The following PCDHA3 variants were observed in gnomAD, a reference collection of about 807,000 sequenced individuals.
PCDHA3 encodes protocadherin alpha 3.
Under a neutral mutation model 62.2 loss-of-function variants are expected in PCDHA3, and 41 were observed. The ratio of observed to expected loss-of-function variants is 0.66; its 90% CI spans 0.51 to 0.86. The LOEUF is 0.86. Ranked by LOEUF, PCDHA3 falls within the 40% of genes least tolerant of loss-of-function variation. The pLI is 0.00. For synonymous variants in PCDHA3, 640 were observed against 555.4 expected (o/e 1.15, Z -2.14); for missense variants, 1,304 against 1,241.2 (o/e 1.05, Z -0.76).
rs145590069 is a variant in PCDHA3 at position 140,802,814 on chromosome 5, T to G, written c.1617T>G (p.Asp539Glu). ...ELLQFQVSAR[D>E]AGVPPLGSNV... ...TGCAGTTCCAGGTGAGTGCGCGCGATGCGGGCGTGCCGCCTCTGGGCAGCA... is the reference window on the plus strand; with the variant it reads ...TGCAGTTCCAGGTGAGTGCGCGCGAGGCGGGCGTGCCGCCTCTGGGCAGCA... Residue 539 changes from aspartate to glutamate, a missense_variant, in exon 1 of 4, where the codon GAT (aspartate) becomes GAG (glutamate). Asp to Glu is a conservative substitution (Grantham distance 45, BLOSUM62 2). Transcript: ENST00000522353. 1 of 1,613,428 alleles carries G rather than the reference T, an allele frequency of 6.2e-7. No individual in the cohort carries two copies. Among genetic ancestry groups the G allele is most frequent in the East Asian group, 2.2e-5 (1 of 44,854 alleles).
At chr5:140,986,859 C>T (rs1554248338) in intron 3 of PCDHA3, among the ~76,000 whole-genome samples, 1 of 152,152 alleles carries the variant, frequency 6.6e-6, no homozygotes, top group East Asian at 1.9e-4. Context: ...ACCAACAATA[C>T]CCGGAAACTT....
chr5:140,898,644 T>C (rs2066890005), intron 1 of PCDHA3, among the ~76,000 whole-genome samples: 2 of 152,226 alleles, frequency 1.3e-5, no homozygotes, highest in Admixed American at 1.3e-4. Context: ...GCTTTGTTCT[T>C]TTGGCTTAGG....
At chr5:140,913,384 C>T (rs1018271300) in intron 1 of PCDHA3, among the ~76,000 whole-genome samples, 1 of 152,144 alleles carries the variant, frequency 6.6e-6, no homozygotes, top group Non-Finnish European at 1.5e-5. Flanking sequence ...AGTGGCTCAT[C>T]ATAGCCACTA....
intron 1 of PCDHA3, chr5:140,843,075 T>C: frequency 6.3e-7 from 1 of 1,595,272 alleles, no homozygotes; most frequent in Non-Finnish European, 8.6e-7. Context: ...CCGCGGTCTG[T>C]GGGCGCGGGC....
chr5:140,870,207 T>G, intron 1 of PCDHA3: 1 of 1,614,156 alleles, frequency 6.2e-7, no homozygotes, highest in Non-Finnish European at 8.5e-7. Flanking sequence ...GCACGGTCAT[T>G]GCCCTGATCA....
intron 1 of PCDHA3, among the ~76,000 whole-genome samples, chr5:140,962,154 C>T (rs1447978704): frequency 3.9e-5 from 6 of 152,210 alleles, no homozygotes; most frequent in Admixed American, 1.3e-4. Context: ...GGATTACAGG[C>T]GTGAGCCACC....
At chr5:140,910,028 T>C (rs1402911275) in intron 1 of PCDHA3, among the ~76,000 whole-genome samples, 4 of 152,222 alleles carry the variant, frequency 2.6e-5, no homozygotes, top group African/African-American at 9.6e-5. Flanking sequence ...ATCCCTGGGA[T>C]AAATCCCACT....
chr5:140,863,464 C>A, intron 1 of PCDHA3: 1 of 512,348 alleles, frequency 2.0e-6, no homozygotes, highest in South Asian at 1.5e-5. Context: ...AGATTTTACT[C>A]TGGAGAGTCG....
intron 1 of PCDHA3, among the ~76,000 whole-genome samples, chr5:140,933,899 G>T (rs2089496307): frequency 6.6e-6 from 1 of 151,508 alleles, no homozygotes; most frequent in African/African-American, 2.4e-5. Flanking sequence ...TGAATATTTT[G>T]GCATAAAGTT....
intron 1 of PCDHA3, chr5:140,850,254 G>A: frequency 3.8e-6 from 6 of 1,593,786 alleles, no homozygotes; most frequent in South Asian, 1.1e-5. Flanking sequence ...GTCGGTGGGC[G>A]CCGGCGTAGT....
intron 1 of PCDHA3, among the ~76,000 whole-genome samples, chr5:140,887,189 C>T (rs1268664594): frequency 6.6e-6 from 1 of 151,836 alleles, no homozygotes; most frequent in Non-Finnish European, 1.5e-5. Context: ...CTCCACCTCC[C>T]GGGTTCACGC....
chr5:140,925,947 G>A (rs1447488918), intron 1 of PCDHA3, among the ~76,000 whole-genome samples: 1 of 152,066 alleles, frequency 6.6e-6, no homozygotes, highest in Non-Finnish European at 1.5e-5. Flanking sequence ...CTTGGAGAAG[G>A]AGAAACTGCT....
At position 140,877,008 on chromosome 5, in the gene PCDHA3, G is replaced by A. The variant is rs368922456; in HGVS notation, c.2394+73417G>A. On this transcript the variant is annotated intron_variant, in intron 1 of 3. Coordinates refer to ENST00000522353, the MANE Select transcript of PCDHA3 (RefSeq NM_018906.3). Reference sequence around the variant, plus strand: ...TGTCGAGCTACGTGTCGGTGCACGCGGAGAGCGGCAAGGTGTACGCGCTGC... The same window carrying A: ...TGTCGAGCTACGTGTCGGTGCACGCAGAGAGCGGCAAGGTGTACGCGCTGC... 82 of 1,612,526 alleles carry A rather than the reference G, an allele frequency of 5.1e-5. No homozygotes were observed. The African/African-American group carries it at 9.3e-4, about 18-fold the overall frequency.
chr5:140,830,895 T>C (rs2150190281), intron 1 of PCDHA3: 4 of 152,692 alleles, frequency 2.6e-5, no homozygotes, highest in Non-Finnish European at 2.9e-5. Flanking sequence ...GTATCACTTA[T>C]GTTTTTACAC....
chr5:140,822,808 A>C lies in PCDHA3; in HGVS notation c.2394+19217A>C, dbSNP rs1554128906. On this transcript the variant is annotated intron_variant, in intron 1 of 3. Transcript: ENST00000522353. The stretch of plus-strand genomic sequence containing the variant: ...AGTGAAACTCCTGGATGTGAATGAT[A>C]ATACCCCAGAGATGGCCATAACCAC... The C allele has an allele frequency of 4.3e-6, 7 of 1,614,072 alleles. No homozygotes were observed. The African/African-American group carries it at 9.3e-5, about 22-fold the overall frequency.
intron 1 of PCDHA3, chr5:140,858,309 A>G (rs1276572732): frequency 7.5e-6 from 12 of 1,597,070 alleles, no homozygotes; most frequent in African/African-American, 1.3e-5. Context: ...CAGAGGCGGC[A>G]GAGGGTGTGT....
Position 141,010,554 on chromosome 5 carries a change from C to G in PCDHA3, c.*617C>G. On this transcript the variant is annotated 3_prime_UTR_variant, in exon 4 of 4. Transcript: ENST00000522353. ...CACCCTCTAGGAGACAAAACTACCC[C>G]CACTGACAAGGCTTTAGGAGACCCT... The G allele has an allele frequency of 3.1e-6, 1 of 322,198 alleles. No individual in the cohort carries two copies. The highest frequency in any genetic ancestry group is 9.3e-4 in the Middle Eastern group (1 of 1,074). 20.0% of individuals were successfully genotyped at this position (322,198 alleles called of 1,614,324 possible).
Position 140,802,687 on chromosome 5 carries a change from G to C in PCDHA3, c.1490G>C (p.Arg497Pro), listed in dbSNP as rs1435507405. Residue 497 changes from arginine to proline, a missense_variant, in exon 1 of 4, where the codon CGG becomes CCG. Transcript: ENST00000522353. ...CTGGTGTCCTACTCGCTGGTGGAACGGCGGGTGGGGGAGCGCGCGCTGTCG... is the reference window on the plus strand; with the variant it reads ...CTGGTGTCCTACTCGCTGGTGGAACCGCGGGTGGGGGAGCGCGCGCTGTCG... ...NALVSYSLVE[R>P]RVGERALSSY... 1.9e-6 allele frequency: 3 copies of C among 1,613,008 alleles called. No individual in the cohort carries two copies. The South Asian group carries it at 3.3e-5, about 18-fold the overall frequency.
intron 1 of PCDHA3, chr5:140,843,673 T>G: frequency 6.3e-7 from 1 of 1,592,546 alleles, no homozygotes; most frequent in Non-Finnish European, 8.6e-7. Flanking sequence ...GATCAGTTGA[T>G]GTAGGCGAAG....
Sources: gnomAD v4.1 joint callset for allele counts (sites outside exome capture counted in the v4.1 genomes callset) on GRCh38, gnomAD v4.1.1 for gene constraint, MANE v1.5 for transcripts, NCBI Gene and HGNC (gene_info 2026-07-23, HGNC 2026-07-21) for gene names.